The following KIRREL3 variants were observed in gnomAD, a reference collection of about 807,000 sequenced individuals.
KIRREL3 encodes kin of IRRE-like protein 3.
Under a neutral mutation model 89.7 loss-of-function variants are expected in KIRREL3, and 36 were observed. The ratio of observed to expected loss-of-function variants is 0.40; its 90% confidence interval spans 0.31 to 0.53. The LOEUF is 0.53. KIRREL3 is among the 20% of genes least tolerant of loss of function. The pLI, the probability that KIRREL3 is intolerant of heterozygous loss-of-function variation, is 0.49. For synonymous variants in KIRREL3, 445 were observed against 441.4 expected (o/e 1.01, Z -0.10); for missense variants, 864 against 1,056.6 (o/e 0.82, Z 2.53).
chr11:126,558,354 T>A lies in KIRREL3; in HGVS notation c.133+4481A>T, dbSNP rs559651211. 8.5e-5 allele frequency among the ~76,000 whole-genome samples: 13 copies of A among 152,334 alleles called. No homozygotes were observed. In the South Asian group the frequency reaches 1.2e-3, roughly 15 times the overall value. ...CAAATCAACTCAAGTTTTCCCTGTG[T>A]TCTGCCCTTTCTTCTCCCTGCCTTG... On this transcript the variant is annotated intron_variant, in intron 2 of 16. Coordinates refer to ENST00000525144, the MANE Select transcript of KIRREL3 (RefSeq NM_032531.4). The surrounding 1 kb of genome is among the most constrained non-coding windows in gnomAD (Gnocchi z 4.0).
At chr11:126,542,726 C>T (rs1302261598) in intron 2 of KIRREL3, among the ~76,000 whole-genome samples, 1 of 152,110 alleles carries the variant, frequency 6.6e-6, no homozygotes, top group East Asian at 1.9e-4. Flanking sequence ...TCCCTTTGGA[C>T]CTTATGCAAA....
intron 1 of KIRREL3, among the ~76,000 whole-genome samples, chr11:126,618,863 C>G (rs1943464394): frequency 6.6e-6 from 1 of 152,196 alleles, no homozygotes; most frequent in Admixed American, 6.5e-5. Flanking sequence ...ATGAAAGACT[C>G]GTTAATGACT....
chr11:126,696,099 C>CA lies in KIRREL3; in HGVS notation c.56-133188dup, dbSNP rs1407449607. ...TGAAACCCCATCTCTACTAAAAATA[C>CA]AAAAAAAATTAGCCTGACATGGTGA... On this transcript the variant is annotated intron_variant, in intron 1 of 16. Transcript: ENST00000525144. The surrounding 1 kb of genome is among the most constrained non-coding windows in gnomAD (Gnocchi z 4.4). 5.9e-5 allele frequency among the ~76,000 whole-genome samples: 9 copies of CA among 151,396 alleles called. 1 individual carries two copies. In the South Asian group the frequency reaches 6.3e-4, roughly 11 times the overall value.
In KIRREL3 at chr11:126,871,000, G is replaced by A. The variant is rs890455968; in HGVS notation, c.55+129455C>T. Among the ~76,000 whole-genome samples, 2 of 152,192 alleles carry A rather than the reference G, an allele frequency of 1.3e-5. No homozygotes were observed. The highest frequency in any genetic ancestry group is 2.4e-5 in the African/African-American group (1 of 41,450). On this transcript the variant is annotated intron_variant, in intron 1 of 16. Transcript: ENST00000525144. This position sits in a 1 kb window ranked among gnomAD's most constrained non-coding sequence, Gnocchi z 4.4. ...AAGCAGGTCTGCCCATGCCCTGGAA[G>A]CTGGCTCAGTTTGGGCTCTGGAGCC...
intron 1 of KIRREL3, chr11:126,936,573 CAAATGCATATT>C (rs1948199028): frequency 7.0e-6 from 1 of 141,854 alleles, no homozygotes; most frequent in South Asian, 2.2e-4. Context: ...AAAAAAAAAG[CAAATGCATATT>C]GAATGCATAT....
In KIRREL3 at chr11:126,940,987, T is replaced by G. The variant is rs1029124938; in HGVS notation, c.55+59468A>C. On this transcript the variant is annotated intron_variant, in intron 1 of 16. Transcript: ENST00000525144. The surrounding 1 kb of genome is among the most constrained non-coding windows in gnomAD (Gnocchi z 4.6). ...TTTTGCTATTACTAGTTGTCTCACTTATCCAGATAATTACCTAGCTTGATT... is the reference window on the plus strand; with the variant it reads ...TTTTGCTATTACTAGTTGTCTCACTGATCCAGATAATTACCTAGCTTGATT... 63 of 152,314 alleles carry G rather than the reference T, an allele frequency of 4.1e-4. No individual in the cohort carries two copies. The highest frequency in any genetic ancestry group is 1.4e-3 in the African/African-American group (59 of 41,572). 9.4% of individuals were successfully genotyped at this position (152,314 alleles called of 1,614,324 possible). A position where few individuals can be genotyped will look rare whatever the true frequency, so the allele number is the denominator to read the frequency against.
At chr11:126,449,765 CT>C (rs1466018658) in intron 7 of KIRREL3, among the ~76,000 whole-genome samples, 2 of 152,222 alleles carry the variant, frequency 1.3e-5, no homozygotes, top group Non-Finnish European at 2.9e-5. Flanking sequence ...CTGGCTGCCC[CT>C]CTCTTTCCTC....
chr11:126,785,647 G>A (rs1950464561), intron 1 of KIRREL3, among the ~76,000 whole-genome samples: 1 of 152,220 alleles, frequency 6.6e-6, no homozygotes, highest in Admixed American at 6.5e-5. Context: ...GGAGGCTGAG[G>A]TGGGCGGATC....
chr11:126,638,219 A>AT, intron 1 of KIRREL3, among the ~76,000 whole-genome samples: 1 of 152,210 alleles, frequency 6.6e-6, no homozygotes, highest in East Asian at 1.9e-4. Context: ...AAGTAATCCC[A>AT]TTTCCTCTTG....
chr11:126,512,751 C>T (rs544810350), intron 4 of KIRREL3, among the ~76,000 whole-genome samples: 6 of 152,330 alleles, frequency 3.9e-5, no homozygotes, highest in African/African-American at 1.4e-4. Context: ...TTGGTTCCAG[C>T]AGCTGAAGGG....
intron 1 of KIRREL3, among the ~76,000 whole-genome samples, chr11:126,660,079 G>A (rs1339289826): frequency 6.6e-6 from 1 of 152,154 alleles, no homozygotes; most frequent in East Asian, 1.9e-4. Context: ...ACCTCCAATA[G>A]CCCTGCTAGG....
chr11:126,440,845 G>T (rs899241027), intron 10 of KIRREL3: 14 of 480,986 alleles, frequency 2.9e-5, no homozygotes, highest in Non-Finnish European at 4.9e-5. Flanking sequence ...CAGATAAAGT[G>T]CTAACCGACT....
At chr11:126,865,496 A>G (rs946323185) in intron 1 of KIRREL3, among the ~76,000 whole-genome samples, 7 of 152,216 alleles carry the variant, frequency 4.6e-5, no homozygotes, top group African/African-American at 1.4e-4. Context: ...CGGTGCTTGC[A>G]CACCCTGCAG....
rs190655050 is a variant in KIRREL3 at position 126,922,103 on chromosome 11, C to T, written c.55+78352G>A. Among the ~76,000 whole-genome samples, 360 of 148,216 alleles carry T rather than the reference C, an allele frequency of 2.4e-3. 2 individuals carry two copies. The highest frequency in any genetic ancestry group is 8.4e-3 in the African/African-American group (339 of 40,266). ...CTATCATCTATCTATATCTATCTATCGATCTATCTATCTGTCTGTCTATCT... is the reference window on the plus strand; with the variant it reads ...CTATCATCTATCTATATCTATCTATTGATCTATCTATCTGTCTGTCTATCT... On this transcript the variant is annotated intron_variant, in intron 1 of 16. Transcript: ENST00000525144.
intron 1 of KIRREL3, among the ~76,000 whole-genome samples, chr11:126,848,629 A>G (rs572173665): frequency 1.3e-5 from 2 of 152,330 alleles, no homozygotes; most frequent in South Asian, 2.1e-4. Flanking sequence ...GTTCATGGAA[A>G]GCCTTCTAAT....
At chr11:126,673,987 C>T (rs977008047) in intron 1 of KIRREL3, among the ~76,000 whole-genome samples, 3 of 152,222 alleles carry the variant, frequency 2.0e-5, no homozygotes, top group African/African-American at 7.2e-5. Flanking sequence ...CTGCTGTTAA[C>T]TGTGTAATAT....
At position 126,462,108 on chromosome 11, in the gene KIRREL3, A is replaced by G. The variant is rs976153541; in HGVS notation, c.742+1049T>C. On this transcript the variant is annotated intron_variant, in intron 6 of 16. Transcript: ENST00000525144. This position sits in a 1 kb window ranked among gnomAD's most constrained non-coding sequence, Gnocchi z 4.8. The stretch of plus-strand genomic sequence containing the variant: ...TGGGGCTGACAGGCACCTTAGGGAG[A>G]CTTTTAGGAGACTTTCAGGGGTCTC... 6.6e-6 allele frequency among the ~76,000 whole-genome samples: 1 copy of G among 151,896 alleles called. No homozygotes were observed. The highest frequency in any genetic ancestry group is 2.4e-5 in the African/African-American group (1 of 41,320).
chr11:126,975,918 T>TCCTC (rs1191282647), intron 1 of KIRREL3, among the ~76,000 whole-genome samples: 20 of 36,542 alleles, frequency 5.5e-4, no homozygotes, highest in African/African-American at 1.7e-3. Flanking sequence ...CTCCCTCCCT[T>TCCTC]CCTCCCTCCC....
Position 126,424,556 on chromosome 11 carries a change from G to T in KIRREL3, c.*24C>A, listed in dbSNP as rs370422337. The stretch of plus-strand genomic sequence containing the variant: ...CGTGCCCTGACCTCTTCCCTGGCCC[G>T]TCCCCACCCGCGGTGTGTGATCCTT... On this transcript the variant is annotated 3_prime_UTR_variant, in exon 17 of 17. Transcript: ENST00000525144. The T allele has an allele frequency of 1.2e-6, 2 of 1,609,228 alleles. No homozygotes were observed. Among genetic ancestry groups the T allele is most frequent in the Non-Finnish European group, 1.7e-6 (2 of 1,177,060 alleles).
Sources: gnomAD v4.1 joint callset for allele counts (sites outside exome capture counted in the v4.1 genomes callset) on GRCh38, gnomAD v4.1.1 for gene constraint, Gnocchi (gnomAD v3.1) non-coding constraint, MANE v1.5 for transcripts, NCBI Gene and HGNC (gene_info 2026-07-23, HGNC 2026-07-21) for gene names.